Variants in R3HDM1 observed in about 807,000 individuals in gnomAD.
R3HDM1 encodes R3H domain-containing protein 1.
In R3HDM1, 46 loss-of-function variants were observed where a neutral mutation model predicts 141.1. The observed-to-expected ratio is 0.33, with a 90% CI of 0.26 to 0.42. The LOEUF is 0.42. Ranked by LOEUF, R3HDM1 falls within the 10% of genes least tolerant of loss-of-function variation. The pLI is 1.00. For missense variants in R3HDM1, 1,184 were observed against 1,368.3 expected, an observed-to-expected ratio of 0.87 and a Z score of 2.12; for synonymous variants, 435 against 472.9, an observed-to-expected ratio of 0.92 and a Z score of 1.04.
At chr2:135,635,330 C>T (rs1181276160) in intron 9 of R3HDM1, among the ~76,000 whole-genome samples, 1 of 152,154 alleles carries the variant, frequency 6.6e-6, no homozygotes, top group African/African-American at 2.4e-5. Flanking sequence ...TAGGTTTAGA[C>T]GAGGCAGTAC....
intron 1 of R3HDM1, among the ~76,000 whole-genome samples, chr2:135,555,796 C>T (rs967433001): frequency 3.3e-5 from 5 of 152,210 alleles, no homozygotes; most frequent in Middle Eastern, 3.4e-3. Context: ...GATGCCAAGG[C>T]GGGAGGATCC....
At position 135,724,328 on chromosome 2, in the gene R3HDM1, C is replaced by A; in HGVS notation, c.*36C>A. 6.9e-7 allele frequency: 1 copy of A among 1,440,762 alleles called. No homozygotes were observed. The highest frequency in any genetic ancestry group is 1.3e-5 in the South Asian group (1 of 78,704). 89.2% of individuals were successfully genotyped at this position (1,440,762 alleles called of 1,614,324 possible). ...TGGACCCTTCGCCTTTATGGTTCCC[C>A]TGCCCTCTCCCATCTTTGATTGGCT... On this transcript the variant is annotated 3_prime_UTR_variant, in exon 27 of 27. Transcript: ENST00000683871.
intron 21 of R3HDM1, among the ~76,000 whole-genome samples, chr2:135,706,660 C>A (rs970122562): frequency 2.0e-5 from 3 of 152,116 alleles, no homozygotes; most frequent in African/African-American, 7.2e-5. Context: ...CCTGAGTGGA[C>A]ACAGCACATG....
At chr2:135,549,575 A>G in intron 1 of R3HDM1, among the ~76,000 whole-genome samples, 2 of 151,352 alleles carry the variant, frequency 1.3e-5, no homozygotes, top group South Asian at 2.1e-4. Flanking sequence ...AAAAAAAAAA[A>G]AAAAAACAAA....
At chr2:135,549,574 AAAAAAAAC>A (rs1471442230) in intron 1 of R3HDM1, among the ~76,000 whole-genome samples, 12 of 151,226 alleles carry the variant, frequency 7.9e-5, no homozygotes, top group African/African-American at 2.9e-4. Flanking sequence ...AAAAAAAAAA[AAAAAAAAC>A]AAAAACAAAA....
At chr2:135,536,983 C>T (rs1385394214) in intron 1 of R3HDM1, among the ~76,000 whole-genome samples, 2 of 147,780 alleles carry the variant, frequency 1.4e-5, no homozygotes, top group Non-Finnish European at 2.9e-5. Context: ...TCACCGCCTG[C>T]ACCATCTGGG....
intron 19 of R3HDM1, among the ~76,000 whole-genome samples, chr2:135,671,676 C>G (rs927967712): frequency 6.6e-6 from 1 of 151,676 alleles, no homozygotes; most frequent in Non-Finnish European, 1.5e-5. Context: ...CCCAATGTTA[C>G]CTAAAAATTT....
At chr2:135,616,854 A>T in intron 5 of R3HDM1, 97 bp downstream of exon 5, 1 of 1,072,014 alleles carries the variant, frequency 9.3e-7, no homozygotes, top group Non-Finnish European at 1.4e-6. Flanking sequence ...TTTTATTTTG[A>T]CTAAATGAAA....
At chr2:135,714,963 T>G (rs2076020697) in intron 23 of R3HDM1, among the ~76,000 whole-genome samples, 1 of 152,218 alleles carries the variant, frequency 6.6e-6, no homozygotes, top group African/African-American at 2.4e-5. Context: ...ATCGGCAATA[T>G]TATTGCCAAG....
At chr2:135,679,432 C>A (rs1288462275) in intron 20 of R3HDM1, among the ~76,000 whole-genome samples, 1 of 152,126 alleles carries the variant, frequency 6.6e-6, no homozygotes, top group Admixed American at 6.6e-5. Flanking sequence ...TCAGAATAGT[C>A]ACTTGCCCAA....
chr2:135,700,172 C>CA (rs1256040974), intron 21 of R3HDM1, among the ~76,000 whole-genome samples: 7,725 of 142,078 alleles, frequency 0.054, 617 homozygotes, highest in African/African-American at 0.18. Context: ...TAAAAAGATG[C>CA]AAAAAAAAAA....
rs574082752 is a variant in R3HDM1 at position 135,697,954 on chromosome 2, G to A, written c.2460-11479G>A. ...TATAATCCCAGCTACTCAGGAGGCT[G>A]ACGCATAAGAATCACTTAAACCTGG... On this transcript the variant is annotated intron_variant, in intron 21 of 26. Transcript: ENST00000683871. Among the ~76,000 whole-genome samples, 47 of 150,140 alleles carry A rather than the reference G, an allele frequency of 3.1e-4. 1 individual carries two copies. In the East Asian group the frequency reaches 9.3e-3, roughly 30 times the overall value.
intron 21 of R3HDM1, among the ~76,000 whole-genome samples, chr2:135,707,542 G>A (rs1192115810): frequency 5.9e-5 from 9 of 152,154 alleles, no homozygotes; most frequent in Admixed American, 2.0e-4. Context: ...GTAGAGTATG[G>A]GCTATATTGC....
intron 11 of R3HDM1, among the ~76,000 whole-genome samples, chr2:135,637,609 C>T (rs2063385902): frequency 6.6e-6 from 1 of 152,138 alleles, no homozygotes; most frequent in Non-Finnish European, 1.5e-5. Context: ...GATGGCACTA[C>T]TGCACTCCAG....
chr2:135,630,281 C>CAAAAAAAAAAAAAAAAAA (rs911009655), intron 7 of R3HDM1, among the ~76,000 whole-genome samples: 11 of 39,318 alleles, frequency 2.8e-4, no homozygotes, highest in African/African-American at 7.4e-4. Context: ...CCTTCTCAAC[C>CAAAAAAAAAAAAAAAAAA]AAAAAAAAAA....
intron 1 of R3HDM1, among the ~76,000 whole-genome samples, chr2:135,550,523 G>A: frequency 6.6e-6 from 1 of 151,892 alleles, no homozygotes; most frequent in East Asian, 1.9e-4. Context: ...TTTTTTTCTT[G>A]GCTTATGTGG....
At chr2:135,587,754 T>C (rs963128617) in intron 1 of R3HDM1, among the ~76,000 whole-genome samples, 2 of 152,200 alleles carry the variant, frequency 1.3e-5, no homozygotes, top group African/African-American at 4.8e-5. Flanking sequence ...TTCATACTTT[T>C]GCTCATTTTC....
chr2:135,578,983 A>T (rs1329893806), intron 1 of R3HDM1, among the ~76,000 whole-genome samples: 1 of 152,188 alleles, frequency 6.6e-6, no homozygotes, highest in East Asian at 1.9e-4. Flanking sequence ...CATAATACAG[A>T]TGTGTGAATA....
At chr2:135,632,129 G>T in intron 9 of R3HDM1, 128 bp downstream of exon 9, 1 of 795,422 alleles carries the variant, frequency 1.3e-6, no homozygotes, top group Non-Finnish European at 1.8e-6. Flanking sequence ...ATAACCTTAT[G>T]TGATAGGACT....
Sources: allele counts gnomAD v4.1 joint callset (sites outside exome capture counted in the v4.1 genomes callset), GRCh38; gene constraint gnomAD v4.1.1; transcripts MANE v1.5; gene names NCBI Gene and HGNC (gene_info 2026-07-23, HGNC 2026-07-21).